The following KYAT3 variants were observed in gnomAD, a reference collection of about 807,000 sequenced individuals.
KYAT3 encodes kynurenine aminotransferase 3, also known as kynurenine--oxoglutarate transaminase 3.
Under a neutral mutation model 59.0 loss-of-function variants are expected in KYAT3, and 50 were observed. The ratio of observed to expected loss-of-function variants is 0.85; its 90% CI spans 0.68 to 1.07. The LOEUF is 1.07. Among genes scored for constraint, KYAT3 ranks in the 50% least tolerant of loss-of-function variants. The pLI is 0.00. For synonymous variants in KYAT3, 148 were observed against 177.0 expected (o/e 0.84, Z 1.30); for missense variants, 497 against 533.3 (o/e 0.93, Z 0.67).
chr1:88,987,272 A>C (rs1677516931), intron 2 of KYAT3, among the ~76,000 whole-genome samples: 1 of 152,172 alleles, frequency 6.6e-6, no homozygotes, highest in Non-Finnish European at 1.5e-5. Flanking sequence ...CACCTTGGGG[A>C]AGCACAACCA....
chr1:88,982,756 A>G, intron 2 of KYAT3: 1 of 1,613,956 alleles, frequency 6.2e-7, no homozygotes, highest in Non-Finnish European at 8.5e-7. Flanking sequence ...CACGTGAAGA[A>G]GGGTACCCCC....
the KYAT3 span, among the ~76,000 whole-genome samples, chr1:88,926,534 G>A: frequency 7.2e-5 from 11 of 152,214 alleles, no homozygotes; most frequent in Non-Finnish European, 1.2e-4. Context: ...CAGGCTGGTC[G>A]CAAACTCCTG....
chr1:88,961,084 G>GT, intron 8 of KYAT3, 83 bp downstream of exon 8: 3 of 1,410,752 alleles, frequency 2.1e-6, no homozygotes, highest in Non-Finnish European at 2.0e-6. Flanking sequence ...CTGTTTTAGA[G>GT]TTGGTCTGGG....
intron 2 of KYAT3, among the ~76,000 whole-genome samples, chr1:88,987,356 A>G (rs1194428095): frequency 2.0e-5 from 3 of 152,198 alleles, no homozygotes; most frequent in Non-Finnish European, 4.4e-5. Flanking sequence ...TAAAGAGGAG[A>G]GAATTCAAGA....
intron 2 of KYAT3, chr1:88,980,387 C>G (rs944451460): frequency 6.6e-6 from 1 of 152,042 alleles, no homozygotes; most frequent in African/African-American, 2.4e-5. Flanking sequence ...CCCGCCCAAG[C>G]AAGCCAACTT....
the KYAT3 span, among the ~76,000 whole-genome samples, chr1:88,921,908 C>T: frequency 6.6e-6 from 1 of 152,262 alleles, no homozygotes; most frequent in South Asian, 2.1e-4. Flanking sequence ...GGCAAGCTGC[C>T]TTACTCAAAA....
At chr1:88,951,207 A>G (rs1386823575) in intron 10 of KYAT3, among the ~76,000 whole-genome samples, 1 of 150,148 alleles carries the variant, frequency 6.7e-6, no homozygotes, top group African/African-American at 2.4e-5. Context: ...TTTCTTCTTC[A>G]TATCTATCAA....
chr1:88,936,144 T>C lies in KYAT3; in HGVS notation c.*39A>G. 2 of 1,408,038 alleles carry C rather than the reference T, an allele frequency of 1.4e-6. No individual in the cohort carries two copies. Among genetic ancestry groups the C allele is most frequent in the Non-Finnish European group, 1.0e-6 (1 of 1,002,064 alleles). The allele number at this position is 1,408,038 out of a possible 1,614,324, so 87.2% of individuals were successfully genotyped here. On this transcript the variant is annotated 3_prime_UTR_variant, in exon 14 of 14. Coordinates refer to ENST00000260508, the MANE Select transcript of KYAT3 (RefSeq NM_001008661.3). ...GCAGCACTAAGTAACAATTCCATAC[T>C]AGGTCATCTAACAGAAACATTAATC...
Position 88,936,118 on chromosome 1 carries a change from G to T in KYAT3, c.*65C>A. On this transcript the variant is annotated 3_prime_UTR_variant, in exon 14 of 14. Transcript: ENST00000260508. ...AAATACCTTTTAACATCCAGCAGGT[G>T]GCAGCACTAAGTAACAATTCCATAC... is the stretch of plus-strand genomic sequence containing the variant. The T allele has an allele frequency of 9.9e-7, 1 of 1,011,506 alleles. No individual in the cohort carries two copies. The highest frequency in any genetic ancestry group is 1.5e-6 in the Non-Finnish European group (1 of 658,244). 62.7% of individuals were successfully genotyped at this position (1,011,506 alleles called of 1,614,324 possible). A position where few individuals can be genotyped will look rare whatever the true frequency, so the allele number is the denominator to read the frequency against.
chr1:88,921,894 G>A, the KYAT3 span, among the ~76,000 whole-genome samples: 1 of 152,190 alleles, frequency 6.6e-6, no homozygotes, highest in South Asian at 2.1e-4. Context: ...TCTAAATTAT[G>A]AAGGGCAAGC....
chr1:88,976,857 A>C (rs1396071620), intron 2 of KYAT3, among the ~76,000 whole-genome samples: 3 of 152,228 alleles, frequency 2.0e-5, no homozygotes, highest in Non-Finnish European at 4.4e-5. Context: ...AAAATAGAAA[A>C]AATTTATAGA....
intron 8 of KYAT3, among the ~76,000 whole-genome samples, chr1:88,959,867 A>G (rs561466519): frequency 6.6e-6 from 1 of 151,490 alleles, no homozygotes; most frequent in Admixed American, 6.6e-5. Context: ...CAATGCAACA[A>G]TTTAATATAT....
chr1:88,925,561 A>G, the KYAT3 span, among the ~76,000 whole-genome samples: 1 of 152,232 alleles, frequency 6.6e-6, no homozygotes, highest in Non-Finnish European at 1.5e-5. Flanking sequence ...ACAGCTCTCG[A>G]TATGGGCAGT....
chr1:88,965,307 T>C (rs1370571793), intron 4 of KYAT3, among the ~76,000 whole-genome samples: 1 of 152,056 alleles, frequency 6.6e-6, no homozygotes, highest in Non-Finnish European at 1.5e-5. Context: ...TTGAAAAGAG[T>C]TGGATTTGTT....
intron 2 of KYAT3, among the ~76,000 whole-genome samples, chr1:88,976,334 G>A (rs1414316656): frequency 2.0e-5 from 3 of 151,574 alleles, no homozygotes; most frequent in African/African-American, 7.3e-5. Context: ...CCCAGCCTGG[G>A]TAACAGAGGT....
At chr1:88,965,578 T>G (rs1676316935) in intron 4 of KYAT3, among the ~76,000 whole-genome samples, 1 of 152,204 alleles carries the variant, frequency 6.6e-6, no homozygotes, top group Non-Finnish European at 1.5e-5. Context: ...ATTATGAAGG[T>G]ACAGCCTGAG....
chr1:88,969,551 C>T, intron 2 of KYAT3, 84 bp from the exon 3 acceptor site: 2 of 742,014 alleles, frequency 2.7e-6, no homozygotes, highest in Non-Finnish European at 4.8e-6. Flanking sequence ...TCTTCCTTTT[C>T]CCTACTGTTA....
At chr1:88,962,011 T>G in intron 6 of KYAT3, 48 bp downstream of exon 6, 1 of 1,327,458 alleles carries the variant, frequency 7.5e-7, no homozygotes, top group Non-Finnish European at 1.1e-6. Flanking sequence ...TTTTCAAGAC[T>G]TCTTAAGTCT....
chr1:88,960,205 G>A (rs1009831452), intron 8 of KYAT3, among the ~76,000 whole-genome samples: 33 of 151,804 alleles, frequency 2.2e-4, no homozygotes, highest in African/African-American at 7.5e-4. Flanking sequence ...AAAGTGCTGG[G>A]ATTACAGGCA....
Sources: allele counts gnomAD v4.1 joint callset (sites outside exome capture counted in the v4.1 genomes callset), GRCh38; gene constraint gnomAD v4.1.1; transcripts MANE v1.5; gene names NCBI Gene and HGNC (gene_info 2026-07-23, HGNC 2026-07-21).